The following GALNT17 variants were observed in gnomAD, a reference collection of about 807,000 sequenced individuals.
GALNT17 encodes polypeptide N-acetylgalactosaminyltransferase 17, also known as UDP-GalNAc:polypeptide N-acetylgalactosaminyltransferase-like 3.
GALNT17 carries 29 observed loss-of-function variants against 63.7 expected under a neutral mutation model. The observed-to-expected ratio is 0.46, with a 90% CI of 0.34 to 0.62. The LOEUF is 0.62. Ranked by LOEUF, GALNT17 falls within the 20% of genes least tolerant of loss-of-function variation. The pLI is 0.01. For missense variants in GALNT17, 603 were observed against 799.6 expected (o/e 0.75, Z 2.97); for synonymous variants, 305 against 318.3 (o/e 0.96, Z 0.45).
chr7:71,375,206 T>G (rs1404665953), intron 2 of GALNT17, among the ~76,000 whole-genome samples: 2 of 152,124 alleles, frequency 1.3e-5, no homozygotes, highest in Non-Finnish European at 2.9e-5. Flanking sequence ...GGCCCAGATG[T>G]GGGAAGAAAC....
intron 1 of GALNT17, among the ~76,000 whole-genome samples, chr7:71,171,478 G>A (rs1788546115): frequency 1.3e-5 from 2 of 152,310 alleles, no homozygotes; most frequent in East Asian, 3.9e-4. Context: ...TCTAGCCTGG[G>A]CAACAGAGCA....
chr7:71,395,427 A>G (rs1793121252), intron 3 of GALNT17, among the ~76,000 whole-genome samples: 1 of 152,156 alleles, frequency 6.6e-6, no homozygotes, highest in South Asian at 2.1e-4. Flanking sequence ...CATTCTTTTT[A>G]TGACTGAATA....
chr7:71,245,307 A>G (rs1790074161), intron 1 of GALNT17, among the ~76,000 whole-genome samples: 1 of 152,180 alleles, frequency 6.6e-6, no homozygotes, highest in African/African-American at 2.4e-5. Flanking sequence ...GTGTGCTAAA[A>G]AGAGAGACTA....
At chr7:71,422,440 C>T (rs1162786567) in intron 5 of GALNT17, among the ~76,000 whole-genome samples, 1 of 152,228 alleles carries the variant, frequency 6.6e-6, no homozygotes, top group Non-Finnish European at 1.5e-5. Flanking sequence ...AGGGACCATT[C>T]ACAAGTTCCT....
chr7:71,433,791 T>G (rs1786910668), intron 5 of GALNT17, among the ~76,000 whole-genome samples: 1 of 152,148 alleles, frequency 6.6e-6, no homozygotes, highest in Non-Finnish European at 1.5e-5. Context: ...GGTGTCAACT[T>G]GATTGGATTG....
At chr7:71,190,210 A>G (rs556587335) in intron 1 of GALNT17, among the ~76,000 whole-genome samples, 15 of 152,298 alleles carry the variant, frequency 9.8e-5, no homozygotes, top group African/African-American at 3.6e-4. Context: ...GGGCTTTGAT[A>G]TAGTTTGAAT....
Position 71,592,578 on chromosome 7 carries a change from A to C in GALNT17, c.1080+21176A>C, listed in dbSNP as rs868246186. Reference sequence around the variant, plus strand: ...GCATAGCATACTAAAATAAAATAAAATAAAATAAAATAAAATAAAATAAAA... The same window carrying C: ...GCATAGCATACTAAAATAAAATAAACTAAAATAAAATAAAATAAAATAAAA... On this transcript the variant is annotated intron_variant, in intron 6 of 10. Transcript: ENST00000333538. Among the ~76,000 whole-genome samples, 150 of 128,048 alleles carry C rather than the reference A, an allele frequency of 1.2e-3. No individual in the cohort carries two copies. The Middle Eastern group carries it at 0.017, about 15-fold the overall frequency. The allele number at this position is 128,048 out of a possible 152,430, so 84.0% of individuals were successfully genotyped here.
chr7:71,500,174 T>A (rs1435008968), intron 5 of GALNT17, among the ~76,000 whole-genome samples: 1 of 152,180 alleles, frequency 6.6e-6, no homozygotes, highest in African/African-American at 2.4e-5. Context: ...CCTATAAATT[T>A]CCTAGAGCAA....
chr7:71,354,314 A>C (rs1792243352), intron 2 of GALNT17, among the ~76,000 whole-genome samples: 1 of 152,186 alleles, frequency 6.6e-6, no homozygotes, highest in African/African-American at 2.4e-5. Flanking sequence ...TCTTTGACAG[A>C]AGTGCCTCTA....
Position 71,397,843 on chromosome 7 carries a change from A to G in GALNT17, c.589+9442A>G, listed in dbSNP as rs112773541. ...ATCTTTCAAGTTCACTCATGCCTCTAAAGATGGCTTTAGCCTCATCTTCTA... is the reference window on the plus strand; with the variant it reads ...ATCTTTCAAGTTCACTCATGCCTCTGAAGATGGCTTTAGCCTCATCTTCTA... On this transcript the variant is annotated intron_variant, in intron 3 of 10. Transcript: ENST00000333538. 7.3e-3 allele frequency among the ~76,000 whole-genome samples: 1,111 copies of G among 152,350 alleles called. 14 individuals carry two copies. Among genetic ancestry groups the G allele is most frequent in the African/African-American group, 0.025 (1,056 of 41,584 alleles).
At chr7:71,425,380 G>A (rs1178465779) in intron 5 of GALNT17, among the ~76,000 whole-genome samples, 6 of 151,962 alleles carry the variant, frequency 3.9e-5, no homozygotes, top group African/African-American at 4.8e-5. Context: ...ATGCCACCAC[G>A]CCCAGCTAAT....
intron 5 of GALNT17, among the ~76,000 whole-genome samples, chr7:71,482,075 A>ATGTGTGTGTG (rs1384133269): frequency 7.4e-5 from 3 of 40,430 alleles, no homozygotes; most frequent in Non-Finnish European, 1.3e-4. Flanking sequence ...GTATACATAT[A>ATGTGTGTGTG]TGTATATGTG....
At chr7:71,476,248 C>T (rs546569828) in intron 5 of GALNT17, among the ~76,000 whole-genome samples, 7 of 152,262 alleles carry the variant, frequency 4.6e-5, no homozygotes, top group South Asian at 2.1e-4. Context: ...TGTGAGAGTG[C>T]GAAGGCACAA....
intron 1 of GALNT17, among the ~76,000 whole-genome samples, chr7:71,252,456 C>T (rs531800903): frequency 1.4e-4 from 22 of 152,148 alleles, no homozygotes; most frequent in African/African-American, 3.1e-4. Context: ...ACATGAGAGG[C>T]GGAGGCTGCA....
chr7:71,667,407 A>G (rs1037682126), intron 7 of GALNT17, among the ~76,000 whole-genome samples: 3 of 152,218 alleles, frequency 2.0e-5, no homozygotes, highest in African/African-American at 7.2e-5. Flanking sequence ...TTGAGCACTT[A>G]CTATGTCCCA....
chr7:71,377,114 A>AAAAAAATATATATAT, intron 2 of GALNT17, among the ~76,000 whole-genome samples: 5 of 57,462 alleles, frequency 8.7e-5, no homozygotes, highest in African/African-American at 3.7e-4. Flanking sequence ...AAATAAAAAA[A>AAAAAAATATATATAT]ATATATATAT....
In GALNT17 at chr7:71,137,607, G is replaced by C. The variant is rs191778041; in HGVS notation, c.238+4567G>C. On this transcript the variant is annotated intron_variant, in intron 1 of 10. Transcript: ENST00000333538. ...AGGCTGTAAAGTCTGGGTTGTGTTGGATGGATGTGGAGAGGGGTGGGGGCT... is the reference window on the plus strand; with the variant it reads ...AGGCTGTAAAGTCTGGGTTGTGTTGCATGGATGTGGAGAGGGGTGGGGGCT... Among the ~76,000 whole-genome samples, 774 of 152,256 alleles carry C rather than the reference G, an allele frequency of 5.1e-3. 22 individuals are homozygous for C. The highest frequency in any genetic ancestry group is 0.049 in the Admixed American group (746 of 15,288).
intron 5 of GALNT17, among the ~76,000 whole-genome samples, chr7:71,426,186 C>T (rs556249364): frequency 1.3e-5 from 2 of 152,300 alleles, no homozygotes; most frequent in South Asian, 2.1e-4. Flanking sequence ...AGCCAAACCA[C>T]GTCAGTGGGG....
intron 1 of GALNT17, among the ~76,000 whole-genome samples, chr7:71,304,533 C>T (rs1298106629): frequency 6.6e-6 from 1 of 152,124 alleles, no homozygotes; most frequent in Non-Finnish European, 1.5e-5. Context: ...ACTCCAAGGG[C>T]ATCATTCTTG....
Sources: allele counts gnomAD v4.1 joint callset (sites outside exome capture counted in the v4.1 genomes callset), GRCh38; gene constraint gnomAD v4.1.1; transcripts MANE v1.5; gene names NCBI Gene and HGNC (gene_info 2026-07-23, HGNC 2026-07-21).